Variants in ABCA6 observed in about 807,000 individuals in gnomAD.
ABCA6 encodes ATP binding cassette subfamily A member 6.
ABCA6 carries 164 observed loss-of-function variants against 191.2 expected under a neutral mutation model. That is an observed-to-expected ratio of 0.86 (90% CI 0.76 to 0.98). ABCA6 has a LOEUF of 0.98. ABCA6 is among the 50% of genes least tolerant of loss of function. ABCA6 has a pLI of 0.00. For synonymous variants in ABCA6, 636 were observed against 647.7 expected, an observed-to-expected ratio of 0.98 and a Z score of 0.27; for missense variants, 1,958 against 1,894.1, an observed-to-expected ratio of 1.03 and a Z score of -0.63.
chr17:69,100,324 A>G (rs1412014470), intron 22 of ABCA6, among the ~76,000 whole-genome samples: 1 of 134,094 alleles, frequency 7.5e-6, no homozygotes, highest in Non-Finnish European at 1.7e-5. Flanking sequence ...CCCTCACAAC[A>G]TAGAGCAACT....
In ABCA6 at chr17:69,112,174, A is replaced by G; in HGVS notation, c.2132+9T>C. On this transcript the variant is annotated intron_variant, in intron 16 of 38. Transcript: ENST00000284425. ...ACACATAAATCCAATCTATTCCCAA[A>G]GTCTTTACCTTAGGTGATATCCAAG... The G allele has an allele frequency of 6.3e-7, 1 of 1,597,604 alleles. No homozygotes were observed. Among genetic ancestry groups the G allele is most frequent in the South Asian group, 1.1e-5 (1 of 90,492 alleles).
rs1347446998 is a variant in ABCA6 at position 69,085,042 on chromosome 17, C to A, written c.4170G>T (p.Arg1390Ser). The change falls in exon 32 of 39, where the codon AGG becomes AGT. Residue 1390 changes from arginine to serine, a missense_variant. Coordinates refer to ENST00000284425, the MANE Select transcript of ABCA6 (RefSeq NM_080284.3). Reference sequence around the variant, plus strand: ...CCCGTCTGTACCTTGCGATGGCGAGCCTCGCGTCCGCTTTCCTGAGCCCCT... The same window carrying A: ...CCCGTCTGTACCTTGCGATGGCGAGACTCGCGTCCGCTTTCCTGAGCCCCT... Reference protein sequence around the residue: ...AVKGLRKADARLAIARLVSAF... With the variant: ...AVKGLRKADASLAIARLVSAF... The A allele has an allele frequency of 1.9e-6, 3 of 1,609,800 alleles. No individual in the cohort carries two copies. Among genetic ancestry groups the A allele is most frequent in the East Asian group, 4.5e-5 (2 of 44,802 alleles).
intron 21 of ABCA6, among the ~76,000 whole-genome samples, chr17:69,101,613 C>G (rs1598460346): frequency 6.8e-6 from 1 of 146,574 alleles, no homozygotes; most frequent in East Asian, 2.0e-4. Context: ...AAAAAAAAAG[C>G]AGCAGCAGCA....
At chr17:69,104,691 C>T (rs926285962) in intron 20 of ABCA6, 4 of 147,524 alleles carry the variant, frequency 2.7e-5, no homozygotes, top group Admixed American at 6.8e-5. Context: ...AATTACTGGC[C>T]GGGCGCAGTG....
rs752177723 is a variant in ABCA6 at position 69,125,046 on chromosome 17, A to C, written c.1120-11T>G. ...ATCCAGTTTGATAATCTAAGATTCA[A>C]AAAATAAAAATAAATGTTTAAAATA... On this transcript the variant is annotated splice_polypyrimidine_tract_variant and intron_variant, in intron 8 of 38. Coordinates refer to ENST00000284425, the MANE Select transcript of ABCA6 (RefSeq NM_080284.3). 3.2e-6 allele frequency: 4 copies of C among 1,243,394 alleles called. No homozygotes were observed. In the African/African-American group the frequency reaches 6.3e-5, roughly 20 times the overall value. 77.0% of individuals were successfully genotyped at this position (1,243,394 alleles called of 1,614,324 possible). A position where few individuals can be genotyped will look rare whatever the true frequency, so the allele number is the denominator to read the frequency against.
At chr17:69,081,793 T>A (rs992290453) in intron 36 of ABCA6, among the ~76,000 whole-genome samples, 1 of 152,168 alleles carries the variant, frequency 6.6e-6, no homozygotes, top group Non-Finnish European at 1.5e-5. Flanking sequence ...TGATTCCCCC[T>A]CCTCCCAGAA....
chr17:69,134,711 T>C lies in ABCA6; in HGVS notation c.492A>G (p.Ser164=). The C allele has an allele frequency of 6.2e-7, 1 of 1,613,686 alleles. No homozygotes were observed. Among genetic ancestry groups the C allele is most frequent in the Non-Finnish European group, 8.5e-7 (1 of 1,179,864 alleles). Residue 164 remains serine, a synonymous_variant, in exon 5 of 39, where the codon TCA becomes TCG. Coordinates refer to ENST00000284425, the MANE Select transcript of ABCA6 (RefSeq NM_080284.3). ...TATTCCAGTATTTGGTCAATGTACA[T>C]GAAAACTCACCATATCCATCCCAGC... ...AHCWDGYGEF[S]CTLTKYWNRG... is the part of the protein sequence containing the mutation.
chr17:69,098,159 G>A (rs1363036296), intron 22 of ABCA6, 132 bp from the exon 23 acceptor site: 4 of 531,290 alleles, frequency 7.5e-6, no homozygotes, highest in African/African-American at 5.9e-5. Flanking sequence ...ATCTAGGCAC[G>A]AAGGTGGGAG....
chr17:69,123,809 G>A (rs1029913418), intron 9 of ABCA6, among the ~76,000 whole-genome samples: 3 of 151,964 alleles, frequency 2.0e-5, no homozygotes, highest in African/African-American at 7.2e-5. Flanking sequence ...CACCCAACAA[G>A]GAAACCATTA....
intron 20 of ABCA6, chr17:69,104,317 AATTTACTT>A (rs1165784439): frequency 3.3e-5 from 5 of 152,266 alleles, no homozygotes; most frequent in African/African-American, 1.2e-4. Flanking sequence ...AGAGAGACCT[AATTTACTT>A]ATCTTATGAG....
chr17:69,110,162 T>G (rs1470685300), intron 17 of ABCA6: 1 of 152,194 alleles, frequency 6.6e-6, no homozygotes, highest in Non-Finnish European at 1.5e-5. Flanking sequence ...TTTGGTTCTA[T>G]CCACGGTTTC....
At chr17:69,082,475 T>C (rs192974763) in intron 36 of ABCA6, among the ~76,000 whole-genome samples, 152 of 152,314 alleles carry the variant, frequency 1.0e-3, no homozygotes, top group Middle Eastern at 3.4e-3. Flanking sequence ...TGCCATTTGT[T>C]TCCTATGGGG....
In ABCA6 at chr17:69,085,112, G is replaced by A. The variant is rs1175329718; in HGVS notation, c.4100C>T (p.Pro1367Leu). 1.9e-6 allele frequency: 3 copies of A among 1,613,418 alleles called. No individual in the cohort carries two copies. Among genetic ancestry groups the A allele is most frequent in the Admixed American group, 1.7e-5 (1 of 59,940 alleles). Residue 1367 changes from proline to leucine, a missense_variant, in exon 32 of 39, where the codon CCC (proline) becomes CTC (leucine). Pro to Leu is a moderately conservative substitution (Grantham distance 98, BLOSUM62 -3). Coordinates refer to ENST00000284425, the MANE Select transcript of ABCA6 (RefSeq NM_080284.3). Reference sequence around the variant, plus strand: ...CAGGTGTTCCCTCAACGTCAGCATGGGCCACAGCACGTTCTCTTGAGGGCA... The same window carrying A: ...CAGGTGTTCCCTCAACGTCAGCATGAGCCACAGCACGTTCTCTTGAGGGCA... ...GYCPQENVLW[P>L]MLTLREHLEV... is the part of the protein sequence containing the mutation.
intron 8 of ABCA6, among the ~76,000 whole-genome samples, chr17:69,126,549 G>A (rs952006671): frequency 2.0e-4 from 31 of 151,986 alleles, no homozygotes; most frequent in Non-Finnish European, 1.0e-4. Flanking sequence ...TTGCGAGGCC[G>A]AGGCGGGAAG....
intron 25 of ABCA6, 107 bp from the exon 26 acceptor site, chr17:69,091,369 A>G: frequency 5.1e-6 from 6 of 1,176,624 alleles, no homozygotes; most frequent in Non-Finnish European, 7.3e-6. Flanking sequence ...TAATGTTCCC[A>G]TATGCAGATA....
At position 69,133,822 on chromosome 17, in the gene ABCA6, C is replaced by T. The variant is rs772610574; in HGVS notation, c.610G>A (p.Ala204Thr). Residue 204 changes from alanine (A) to threonine (T), a missense_variant, in exon 6 of 39, where the codon GCT becomes ACT. Transcript: ENST00000284425. ...PVMEELMSVT[A>T]ITMKTLPFIT... Reference sequence around the variant, plus strand: ...AAAGGTAATGTCTTCATAGTTATAGCAGTAACTGACATCAACTCCTCCATC... The same window carrying T: ...AAAGGTAATGTCTTCATAGTTATAGTAGTAACTGACATCAACTCCTCCATC... 6.2e-7 allele frequency: 1 copy of T among 1,610,832 alleles called. No homozygotes were observed. Among genetic ancestry groups the T allele is most frequent in the Non-Finnish European group, 8.5e-7 (1 of 1,178,296 alleles).
At chr17:69,136,826 GTTTACTGATTGTACTATAT>G (rs2073956474) in intron 3 of ABCA6, among the ~76,000 whole-genome samples, 1 of 152,014 alleles carries the variant, frequency 6.6e-6, no homozygotes, top group African/African-American at 2.4e-5. Flanking sequence ...TTTTAAAGAT[GTTTACTGATTGTACTATAT>G]TCAGAACAGA....
At chr17:69,128,198 CTTTAA>C (rs1257696288) in intron 8 of ABCA6, among the ~76,000 whole-genome samples, 1 of 151,900 alleles carries the variant, frequency 6.6e-6, no homozygotes, top group African/African-American at 2.4e-5. Flanking sequence ...TTCATAGATA[CTTTAA>C]TTTACTTTAT....
chr17:69,084,125 T>C, intron 34 of ABCA6, 136 bp downstream of exon 34: 1 of 750,076 alleles, frequency 1.3e-6, no homozygotes, highest in South Asian at 1.9e-5. Context: ...GTTAAATATT[T>C]GTTTTCCTGA....
Sources: gnomAD v4.1 joint callset for allele counts (sites outside exome capture counted in the v4.1 genomes callset) on GRCh38, gnomAD v4.1.1 for gene constraint, MANE v1.5 for transcripts, NCBI Gene and HGNC (gene_info 2026-07-23, HGNC 2026-07-21) for gene names.